Variants in LDHA observed in about 807,000 individuals in gnomAD.
The protein encoded by LDHA is L-lactate dehydrogenase A chain.
Under a neutral mutation model 36.3 loss-of-function variants are expected in LDHA, and 10 were observed. The ratio of observed to expected loss-of-function variants is 0.28; its 90% CI spans 0.17 to 0.47. The LOEUF is 0.47. Among genes scored for constraint, LDHA ranks in the 20% least tolerant of loss-of-function variants. The pLI is 0.99. For synonymous variants in LDHA, 110 were observed against 136.7 expected, an observed-to-expected ratio of 0.80 and a Z score of 1.36; for missense variants, 267 against 405.8, an observed-to-expected ratio of 0.66 and a Z score of 2.94.
In LDHA at chr11:18,396,959, C is replaced by G. The variant is rs756599511; in HGVS notation, c.117C>G (p.Ile39Met). Residue 39 changes from isoleucine (I) to methionine (M), a missense_variant, in exon 2 of 8, where the codon ATC becomes ATG. Transcript: ENST00000422447. ...GAVGMACAISILMKDLADELA... is the reference protein window; with the variant it reads ...GAVGMACAISMLMKDLADELA... ...TTGGCATGGCCTGTGCCATCAGTAT[C>G]TTAATGAAGGTAAGTGAGAGTCTAC... 1.2e-6 allele frequency: 2 copies of G among 1,614,114 alleles called. No homozygotes were observed. Among genetic ancestry groups the G allele is most frequent in the Non-Finnish European group, 1.7e-6 (2 of 1,179,994 alleles).
chr11:18,398,363 A>G (rs1866366526), intron 2 of LDHA, among the ~76,000 whole-genome samples: 1 of 151,704 alleles, frequency 6.6e-6, no homozygotes, highest in Non-Finnish European at 1.5e-5. Flanking sequence ...CCATCTCTGA[A>G]AGATGGGCGG....
In LDHA at chr11:18,401,473, CTTTTTTTT is replaced by C. The variant is rs58157049; in HGVS notation, c.418+478_418+485del. Among the ~76,000 whole-genome samples, 13 of 68,598 alleles carry C rather than the reference CTTTTTTTT, an allele frequency of 1.9e-4. 1 individual carries two copies. The highest frequency in any genetic ancestry group is 1.9e-3 in the South Asian group (3 of 1,600). 45.0% of individuals were successfully genotyped at this position (68,598 alleles called of 152,430 possible). On this transcript the variant is annotated intron_variant, in intron 4 of 7. Coordinates refer to ENST00000422447, the MANE Select transcript of LDHA (RefSeq NM_005566.4). ...CATATTTATTGATTCATTTATTTTT[CTTTTTTTT>C]TTTTTTTTTTTTTTGAGACGGAGTC...
In LDHA at chr11:18,407,615, T is replaced by C. The variant is rs1318882068; in HGVS notation, c.*334T>C. 6.2e-6 allele frequency: 4 copies of C among 642,478 alleles called. No individual in the cohort carries two copies. Among genetic ancestry groups the C allele is most frequent in the East Asian group, 3.1e-5 (1 of 31,850 alleles). 39.8% of individuals were successfully genotyped at this position (642,478 alleles called of 1,614,324 possible). On this transcript the variant is annotated 3_prime_UTR_variant, in exon 8 of 8. Coordinates refer to ENST00000422447, the MANE Select transcript of LDHA (RefSeq NM_005566.4). ...ACCGTGTGTTATATAACTTCCTGGC[T>C]CCTTCACTGAACATGCCTAGTCCAA...
chr11:18,396,922 G>T lies in LDHA; in HGVS notation c.80G>T (p.Gly27Val), dbSNP rs1332947241. Reference protein sequence around the residue: ...QTPQNKITVVGVGAVGMACAI... With the variant: ...QTPQNKITVVVVGAVGMACAI... The stretch of plus-strand genomic sequence containing the variant: ...CCCCAGAATAAGATTACAGTTGTTG[G>T]GGTTGGTGCTGTTGGCATGGCCTGT... The change falls in exon 2 of 8, where the codon GGG becomes GTG. Residue 27 changes from glycine (G) to valine (V), a missense_variant. Physicochemically the swap from Gly to Val is moderately radical, Grantham distance 109. Transcript: ENST00000422447. 6.2e-7 allele frequency: 1 copy of T among 1,613,946 alleles called. No homozygotes were observed. The highest frequency in any genetic ancestry group is 8.5e-7 in the Non-Finnish European group (1 of 1,179,996).
intron 7 of LDHA, 35 bp downstream of exon 7, chr11:18,405,607 C>G: frequency 6.2e-7 from 1 of 1,609,702 alleles, no homozygotes; most frequent in Non-Finnish European, 8.5e-7. Flanking sequence ...CATTTGAATG[C>G]TTTTTGCTGG....
intron 4 of LDHA, among the ~76,000 whole-genome samples, chr11:18,401,473 C>CTTTGTTT (rs1866494608): frequency 1.5e-5 from 1 of 68,588 alleles, no homozygotes; most frequent in Non-Finnish European, 2.6e-5. Flanking sequence ...ATTTATTTTT[C>CTTTGTTT]TTTTTTTTTT....
rs964574621 is a variant in LDHA, at chr11:18,394,590, G to A, written c.-71G>A. 1 of 454,106 alleles carries A rather than the reference G, an allele frequency of 2.2e-6. No homozygotes were observed. Among genetic ancestry groups the A allele is most frequent in the Admixed American group, 2.3e-5 (1 of 42,584 alleles). The allele number at this position is 454,106 out of a possible 1,614,324, so 28.1% of individuals were successfully genotyped here. ...GCTGCAGCCGCTGCCGCCGATTCCGGATCTCATTGCCACGCGCCCCCGACG... is the reference window on the plus strand; with the variant it reads ...GCTGCAGCCGCTGCCGCCGATTCCGAATCTCATTGCCACGCGCCCCCGACG... On this transcript the variant is annotated 5_prime_UTR_variant, in exon 1 of 8. Transcript: ENST00000422447.
chr11:18,399,667 G>A (rs537881978), intron 3 of LDHA, 119 bp downstream of exon 3: 41 of 779,832 alleles, frequency 5.3e-5, no homozygotes, highest in Non-Finnish European at 7.8e-5. Flanking sequence ...CCACAGCCTC[G>A]AACCCTGGGC....
intron 1 of LDHA, chr11:18,396,288 G>C: frequency 2.7e-6 from 1 of 370,136 alleles, no homozygotes; most frequent in Non-Finnish European, 4.8e-6. Context: ...TAAAAGCCGG[G>C]CGTTCGGAGG....
In LDHA at chr11:18,407,479, TTAATCTTGTG is replaced by T. The variant is rs1479128469; in HGVS notation, c.*201_*210del. On this transcript the variant is annotated 3_prime_UTR_variant, in exon 8 of 8. Coordinates refer to ENST00000422447, the MANE Select transcript of LDHA (RefSeq NM_005566.4). ...AGCTATATCCTGATGCTGGATGGTA[TTAATCTTGTG>T]TAGTCTTCAACTGGTTAGTGTGAAA... is the stretch of plus-strand genomic sequence containing the variant. The T allele has an allele frequency of 1.8e-6, 2 of 1,119,534 alleles. No homozygotes were observed. The highest frequency in any genetic ancestry group is 3.1e-5 in the African/African-American group (2 of 64,654). 69.4% of individuals were successfully genotyped at this position (1,119,534 alleles called of 1,614,324 possible). A position where few individuals can be genotyped will look rare whatever the true frequency, so the allele number is the denominator to read the frequency against.
At chr11:18,404,530 C>T (rs759690589) in intron 6 of LDHA, among the ~76,000 whole-genome samples, 8 of 152,130 alleles carry the variant, frequency 5.3e-5, no homozygotes, top group African/African-American at 1.9e-4. Flanking sequence ...GAATCATAGC[C>T]GGGCATGGTG....
chr11:18,406,957 G>T (rs1378837683), intron 7 of LDHA, among the ~76,000 whole-genome samples, 160 bp from the exon 8 acceptor site: 1 of 150,852 alleles, frequency 6.6e-6, no homozygotes, highest in Non-Finnish European at 1.5e-5. Flanking sequence ...GGTGAGCTGA[G>T]ATCGTGCCAC....
At chr11:18,398,644 C>G (rs1293905484) in intron 2 of LDHA, 1 of 115,730 alleles carries the variant, frequency 8.6e-6, no homozygotes, top group Non-Finnish European at 1.7e-5. Flanking sequence ...GAAGGAGTCT[C>G]GCCGTGTCGC....
intron 4 of LDHA, 97 bp from the exon 5 acceptor site, chr11:18,402,743 C>T (rs1866549599): frequency 2.2e-6 from 2 of 915,028 alleles, no homozygotes; most frequent in Non-Finnish European, 3.7e-6. Flanking sequence ...CTAATGATCA[C>T]CTAGTATCTG....
Position 18,399,168 on chromosome 11 carries a change from G to A in LDHA, c.127-263G>A, listed in dbSNP as rs188029324. The A allele has an allele frequency of 3.8e-4, 170 of 452,602 alleles. 1 individual carries two copies. The highest frequency in any genetic ancestry group is 2.9e-3 in the African/African-American group (149 of 50,524). 28.0% of individuals were successfully genotyped at this position (452,602 alleles called of 1,614,324 possible). ...CTAGCAACTGCCAGTCCAGTGTTCT[G>A]CTTCCACATCTGCAGTGGTGGAACT... is the stretch of plus-strand genomic sequence containing the variant. On this transcript the variant is annotated intron_variant, in intron 2 of 7. Coordinates refer to ENST00000422447, the MANE Select transcript of LDHA (RefSeq NM_005566.4).
chr11:18,396,571 T>C (rs752441196), intron 1 of LDHA: 9 of 1,384,248 alleles, frequency 6.5e-6, no homozygotes, highest in Non-Finnish European at 8.4e-6. Flanking sequence ...CAGGAGGCTA[T>C]ACTTACACCC....
chr11:18,397,679 CAT>C (rs1369591962), intron 2 of LDHA, among the ~76,000 whole-genome samples: 1 of 152,018 alleles, frequency 6.6e-6, no homozygotes, highest in Non-Finnish European at 1.5e-5. Flanking sequence ...GGCGTGGTGG[CAT>C]ACGCCTATAG....
In LDHA at chr11:18,407,448, A is replaced by T; in HGVS notation, c.*167A>T. On this transcript the variant is annotated 3_prime_UTR_variant, in exon 8 of 8. Transcript: ENST00000422447. ...GTTAGAAATAAGAATGGTTTGTAAA[A>T]TCCACAGCTATATCCTGATGCTGGA... 3.7e-6 allele frequency: 5 copies of T among 1,333,622 alleles called. No homozygotes were observed. Among genetic ancestry groups the T allele is most frequent in the Non-Finnish European group, 5.3e-6 (5 of 950,550 alleles). 82.6% of individuals were successfully genotyped at this position (1,333,622 alleles called of 1,614,324 possible).
At chr11:18,403,410 A>C (rs902730224) in intron 5 of LDHA, among the ~76,000 whole-genome samples, 3 of 151,056 alleles carry the variant, frequency 2.0e-5, no homozygotes, top group African/African-American at 4.9e-5. Context: ...TGCTAAGAAA[A>C]CCCCCCTTAT....
Sources: allele counts gnomAD v4.1 joint callset (sites outside exome capture counted in the v4.1 genomes callset), GRCh38; gene constraint gnomAD v4.1.1; transcripts MANE v1.5; gene names NCBI Gene and HGNC (gene_info 2026-07-23, HGNC 2026-07-21).